FSIP1: variants seen among roughly 807,000 people sequenced by gnomAD.
FSIP1 encodes fibrous sheath-interacting protein 1.
In FSIP1, 65 loss-of-function variants were observed where a neutral mutation model predicts 60.9. The ratio of observed to expected loss-of-function variants is 1.07; its 90% CI spans 0.87 to 1.31. The LOEUF (loss-of-function observed/expected upper bound fraction) is 1.31, where lower values mean the gene tolerates loss of function less well. Ranked by LOEUF, FSIP1 falls within the 40% of genes most tolerant of loss-of-function variation. FSIP1 has a pLI of 0.00. For missense variants in FSIP1, 675 were observed against 665.5 expected (o/e 1.01, Z -0.16); for synonymous variants, 209 against 221.2 (o/e 0.94, Z 0.49).
At chr15:39,640,561 C>A (rs762904282) in intron 10 of FSIP1, among the ~76,000 whole-genome samples, 3 of 152,128 alleles carry the variant, frequency 2.0e-5, no homozygotes, top group African/African-American at 4.8e-5. Flanking sequence ...AAGAAAACTT[C>A]TTTTGTTCCA....
At chr15:39,705,997 CAAAAAAAAAAAA>C (rs35710055) in intron 10 of FSIP1, among the ~76,000 whole-genome samples, 2 of 115,402 alleles carry the variant, frequency 1.7e-5, no homozygotes, top group Admixed American at 9.0e-5. Context: ...GACTCGGTCT[CAAAAAAAAAAAA>C]AAAAAAAATC....
rs1161412707 is a variant in FSIP1, at chr15:39,767,601, T to C, written c.311-1855A>G. 2.6e-5 allele frequency among the ~76,000 whole-genome samples: 4 copies of C among 152,114 alleles called. No individual in the cohort carries two copies. In the East Asian group the frequency reaches 7.7e-4, roughly 29 times the overall value. ...CTGCCATGCCCCCATCCTGTGCCCA[T>C]ATAAACCCGAGACCTTAAGCGTACA... On this transcript the variant is annotated intron_variant, in intron 3 of 11. Coordinates refer to ENST00000350221, the MANE Select transcript of FSIP1 (RefSeq NM_152597.5).
intron 7 of FSIP1, 65 bp from the exon 8 acceptor site, chr15:39,738,266 AT>A: frequency 1.1e-6 from 1 of 946,826 alleles, no homozygotes; most frequent in Non-Finnish European, 1.6e-6. Context: ...GAAAAAAAAA[AT>A]GGAATCTGAG....
Position 39,765,591 on chromosome 15 carries a change from C to T in FSIP1, c.465+1G>A. The T allele has an allele frequency of 3.8e-6, 6 of 1,573,064 alleles. No individual in the cohort carries two copies. The highest frequency in any genetic ancestry group is 5.2e-6 in the Non-Finnish European group (6 of 1,165,024). On this transcript the variant is annotated splice_donor_variant, in intron 4 of 11. Coordinates refer to ENST00000350221, the MANE Select transcript of FSIP1 (RefSeq NM_152597.5). LOFTEE classifies it high-confidence loss of function. The stretch of plus-strand genomic sequence containing the variant: ...TCAGCATAAGGTTAGATAATTCTTA[C>T]CTTAATTTCTTCCCACAGCTTTATT...
chr15:39,684,282 A>C lies in FSIP1; in HGVS notation c.1188+29162T>G, dbSNP rs188056937. ...TTTTTCATCATAAACAATTTTTAAA[A>C]ATAAAATTTAAAATAAACCAAATAT... On this transcript the variant is annotated intron_variant, in intron 10 of 11. Coordinates refer to ENST00000350221, the MANE Select transcript of FSIP1 (RefSeq NM_152597.5). Among the ~76,000 whole-genome samples, 57 of 152,334 alleles carry C rather than the reference A, an allele frequency of 3.7e-4. 1 individual carries two copies. The East Asian group carries it at 0.01, about 28-fold the overall frequency.
Position 39,713,442 on chromosome 15 carries a change from AC to A in FSIP1, c.1188+1del. ...AAAATTAATTAAAACAAAAAGACTT[AC>A]CACATTTTCCTTCATCATTTTCAGC... On this transcript the variant is annotated splice_donor_variant, in intron 10 of 11. Transcript: ENST00000350221. LOFTEE classifies it high-confidence loss of function. The A allele has an allele frequency of 1.3e-6, 2 of 1,588,264 alleles. No individual in the cohort carries two copies. The highest frequency in any genetic ancestry group is 8.5e-7 in the Non-Finnish European group (1 of 1,172,236).
intron 10 of FSIP1, among the ~76,000 whole-genome samples, chr15:39,625,794 G>A (rs1268518851): frequency 6.6e-6 from 1 of 152,160 alleles, no homozygotes; most frequent in African/African-American, 2.4e-5. Context: ...CCTAAAAAGG[G>A]GCCCCTGATT....
At chr15:39,656,489 G>C (rs1341896878) in intron 10 of FSIP1, among the ~76,000 whole-genome samples, 1 of 152,292 alleles carries the variant, frequency 6.6e-6, no homozygotes, top group African/African-American at 2.4e-5. Flanking sequence ...TTGTCTGAGA[G>C]TGTGGCACTT....
At chr15:39,605,847 A>G (rs1444468354) in intron 11 of FSIP1, among the ~76,000 whole-genome samples, 4 of 152,186 alleles carry the variant, frequency 2.6e-5, no homozygotes, top group Admixed American at 2.6e-4. Flanking sequence ...CCTCATTACA[A>G]CCCTACAGGG....
intron 11 of FSIP1, among the ~76,000 whole-genome samples, chr15:39,610,524 G>A (rs1475448324): frequency 6.6e-6 from 1 of 152,122 alleles, no homozygotes; most frequent in Non-Finnish European, 1.5e-5. Flanking sequence ...AAATTTGCTG[G>A]GCATGGTGGT....
At position 39,741,571 on chromosome 15, in the gene FSIP1, T is replaced by C. The variant is rs561051565; in HGVS notation, c.655+234A>G. 2.0e-5 allele frequency among the ~76,000 whole-genome samples: 3 copies of C among 152,336 alleles called. No individual in the cohort carries two copies. In the East Asian group the frequency reaches 5.8e-4, roughly 29 times the overall value. ...CAGGTTTTCATTACTTGCAGCCAGC[T>C]TTTTTTAAAAACTCTTTATTATTAT... On this transcript the variant is annotated intron_variant, in intron 6 of 11. Transcript: ENST00000350221.
chr15:39,709,503 T>C (rs1172782397), intron 10 of FSIP1, among the ~76,000 whole-genome samples: 1 of 152,214 alleles, frequency 6.6e-6, no homozygotes, highest in Non-Finnish European at 1.5e-5. Flanking sequence ...TAGTTTTAGA[T>C]ACTATATATT....
intron 10 of FSIP1, among the ~76,000 whole-genome samples, chr15:39,648,749 T>C (rs1013427534): frequency 6.6e-6 from 1 of 152,208 alleles, no homozygotes; most frequent in African/African-American, 2.4e-5. Flanking sequence ...GTCTTAATTA[T>C]AAACTGAATT....
intron 10 of FSIP1, among the ~76,000 whole-genome samples, chr15:39,676,807 A>T (rs1055507292): frequency 6.6e-6 from 1 of 152,004 alleles, no homozygotes; most frequent in Non-Finnish European, 1.5e-5. Context: ...AATTAAATGT[A>T]ACAGGATTAC....
chr15:39,713,823 G>A (rs1334481836), intron 9 of FSIP1, among the ~76,000 whole-genome samples: 1 of 152,236 alleles, frequency 6.6e-6, no homozygotes, highest in Non-Finnish European at 1.5e-5. Context: ...GAAGGAGACA[G>A]TGAAAACAGC....
intron 10 of FSIP1, among the ~76,000 whole-genome samples, chr15:39,633,870 A>G (rs1382831537): frequency 1.3e-5 from 2 of 152,168 alleles, no homozygotes; most frequent in African/African-American, 4.8e-5. Context: ...AGGTGAAAAA[A>G]CTCCAACAGC....
chr15:39,621,011 G>A (rs1399464122), intron 10 of FSIP1, among the ~76,000 whole-genome samples: 4 of 145,186 alleles, frequency 2.8e-5, no homozygotes, highest in Non-Finnish European at 6.0e-5. Context: ...ATGTTTCACA[G>A]AGCCAGAAAT....
intron 10 of FSIP1, among the ~76,000 whole-genome samples, chr15:39,696,605 T>G (rs923053926): frequency 6.6e-6 from 1 of 152,168 alleles, no homozygotes; most frequent in Non-Finnish European, 1.5e-5. Flanking sequence ...CTTAAGAATA[T>G]ATCCTAAGAC....
chr15:39,779,216 C>T (rs1898164576), intron 1 of FSIP1, among the ~76,000 whole-genome samples: 1 of 151,300 alleles, frequency 6.6e-6, no homozygotes, highest in Non-Finnish European at 1.5e-5. Context: ...ATGCACATAT[C>T]AAAAAAAATA....
Sources: gnomAD v4.1 joint callset for allele counts (sites outside exome capture counted in the v4.1 genomes callset) on GRCh38, gnomAD v4.1.1 for gene constraint, MANE v1.5 for transcripts, NCBI Gene and HGNC (gene_info 2026-07-23, HGNC 2026-07-21) for gene names.